The following CSPG4 variants were observed in gnomAD, a reference collection of about 807,000 sequenced individuals.
CSPG4 encodes the protein chondroitin sulfate proteoglycan 4.
In CSPG4, 74 loss-of-function variants were observed where a neutral mutation model predicts 139.3. The ratio of observed to expected loss-of-function variants is 0.53; its 90% confidence interval spans 0.44 to 0.64. The LOEUF is 0.64. Ranked by LOEUF, CSPG4 falls within the 30% of genes least tolerant of loss-of-function variation. CSPG4 has a pLI of 0.00. For missense variants in CSPG4, 2,565 were observed against 3,148.3 expected, an observed-to-expected ratio of 0.81 and a Z score of 4.43; for synonymous variants, 1,234 against 1,394.2, an observed-to-expected ratio of 0.89 and a Z score of 2.56.
Position 75,698,051 on chromosome 15 carries a change from C to T in CSPG4, c.89-4818G>A, listed in dbSNP as rs1199038603. Among the ~76,000 whole-genome samples the T allele has an allele frequency of 6.6e-6, 1 of 152,142 alleles. No individual in the cohort carries two copies. Among genetic ancestry groups the T allele is most frequent in the Non-Finnish European group, 1.5e-5 (1 of 68,026 alleles). ...GAAAACTCGAGGGAGACAGAGAAGG[C>T]GGGATGTTGGCAGCAAGCCTGCTGC... is the stretch of plus-strand genomic sequence containing the variant. On this transcript the variant is annotated intron_variant, in intron 1 of 9. Transcript: ENST00000308508. This position sits in a 1 kb window ranked among gnomAD's most constrained non-coding sequence, Gnocchi z 4.3.
chr15:75,685,163 C>T (rs1259539167), intron 4 of CSPG4, 56 bp downstream of exon 4: 8 of 1,508,072 alleles, frequency 5.3e-6, no homozygotes, highest in Middle Eastern at 2.5e-4. Flanking sequence ...CCAGGGCTCC[C>T]TCCACTCTGC....
At chr15:75,691,397 A>G (rs1894164196) in intron 2 of CSPG4, among the ~76,000 whole-genome samples, 1 of 152,228 alleles carries the variant, frequency 6.6e-6, no homozygotes, top group African/African-American at 2.4e-5. Context: ...ACTGACATAC[A>G]GCAAGATGCT....
In CSPG4 at chr15:75,685,253, T is replaced by A; in HGVS notation, c.4238A>T (p.Gln1413Leu). Residue 1413 changes from glutamine to leucine, a missense_variant, in exon 4 of 10, where the codon CAA (glutamine) becomes CTA (leucine). Gln to Leu is a moderately radical substitution (Grantham distance 113). This residue lies in a region of CSPG4 where 2,316 missense variants were observed against 2,818.2 expected (regional missense o/e 0.82). Transcript: ENST00000308508. ...HGALQKEDGP[Q>L]ARTLSAFSWR... ...GGAGAAGGCGCTGAGGGTCCTGGCT[T>A]GAGGTCCGTCCTCCTTCTGCAGGGC... 2 of 1,535,324 alleles carry A rather than the reference T, an allele frequency of 1.3e-6. No homozygotes were observed. The highest frequency in any genetic ancestry group is 1.8e-6 in the Non-Finnish European group (2 of 1,140,920).
chr15:75,678,007 G>T, intron 8 of CSPG4, 121 bp from the exon 9 acceptor site: 1 of 831,078 alleles, frequency 1.2e-6, no homozygotes. Flanking sequence ...GTCTGTGCGT[G>T]TGACCCGCTG....
intron 1 of CSPG4, among the ~76,000 whole-genome samples, chr15:75,709,376 G>A (rs1026058609): frequency 3.0e-4 from 45 of 152,134 alleles, no homozygotes; most frequent in African/African-American, 9.9e-4. Context: ...CAGTGAAGGA[G>A]CAGAGGGACC....
At chr15:75,678,399 C>A (rs1030940281) in intron 8 of CSPG4, 2 of 286,370 alleles carry the variant, frequency 7.0e-6, no homozygotes, top group Non-Finnish European at 1.4e-5. Context: ...GTTGCCCAGA[C>A]TGGACTGCAG....
At position 75,679,119 on chromosome 15, in the gene CSPG4, C is replaced by T. The variant is rs746241602; in HGVS notation, c.4951-1233G>A. The stretch of plus-strand genomic sequence containing the variant: ...GCTGAGACCCCCTTATTTGTAGCTC[C>T]AGCCTAGCCTGCTCTCCCCTGAACC... On this transcript the variant is annotated intron_variant, in intron 8 of 9. Coordinates refer to ENST00000308508, the MANE Select transcript of CSPG4 (RefSeq NM_001897.5). 37 of 215,456 alleles carry T rather than the reference C, an allele frequency of 1.7e-4. 1 individual carries two copies. Among genetic ancestry groups the T allele is most frequent in the Middle Eastern group, 3.4e-3 (2 of 586 alleles). 13.3% of individuals were successfully genotyped at this position (215,456 alleles called of 1,614,324 possible). A position where few individuals can be genotyped will look rare whatever the true frequency, so the allele number is the denominator to read the frequency against.
At chr15:75,697,213 C>T (rs548283945) in intron 1 of CSPG4, among the ~76,000 whole-genome samples, 2 of 152,334 alleles carry the variant, frequency 1.3e-5, no homozygotes, top group South Asian at 4.1e-4. Flanking sequence ...CCTTCGCCTC[C>T]GGCCATCCCT....
Position 75,682,930 on chromosome 15 carries a change from C to T in CSPG4, c.4561G>A (p.Val1521Ile), listed in dbSNP as rs747052869. The T allele has an allele frequency of 2.5e-6, 4 of 1,611,218 alleles. No homozygotes were observed. In the Admixed American group the frequency reaches 5.0e-5, roughly 20 times the overall value. ...GTGCCCGGCGCCCCCCGCAGCACTA[C>T]CCGCCCGTTGCTGGGCTGCTCGATG... ...YTIEQPSNGR[V>I]VLRGAPGTEV... is the part of the protein sequence containing the mutation. Residue 1521 changes from valine to isoleucine, a missense_variant, in exon 6 of 10, where the codon GTA (valine) becomes ATA (isoleucine). Val to Ile is a conservative substitution (Grantham distance 29). Transcript: ENST00000308508.
Position 75,706,463 on chromosome 15 carries a change from G to A in CSPG4, c.88+6205C>T, listed in dbSNP as rs138838857. 3.0e-3 allele frequency among the ~76,000 whole-genome samples: 454 copies of A among 152,270 alleles called. 4 individuals are homozygous for A. Among genetic ancestry groups the A allele is most frequent in the African/African-American group, 0.01 (433 of 41,556 alleles). On this transcript the variant is annotated intron_variant, in intron 1 of 9. Coordinates refer to ENST00000308508, the MANE Select transcript of CSPG4 (RefSeq NM_001897.5). The stretch of plus-strand genomic sequence containing the variant: ...TGTGAGTGTGTGTGTGCACACACAC[G>A]CATGTGCACTTACTGGGTGTCAGGC...
intron 1 of CSPG4, 123 bp from the exon 2 acceptor site, chr15:75,693,356 T>G (rs776606841): frequency 1.5e-4 from 142 of 955,536 alleles, no homozygotes; most frequent in African/African-American, 1.4e-3. Flanking sequence ...ATGGTTCTGC[T>G]GTATGGTGCT....
At position 75,677,863 on chromosome 15, in the gene CSPG4, A is replaced by T; in HGVS notation, c.4974T>A (p.Tyr1658Ter). The change falls in exon 9 of 10, where the codon TAT becomes TAA. Residue 1658 changes from tyrosine (Y) to a stop codon, truncating the protein, a stop_gained. Transcript: ENST00000308508. LOFTEE classifies it high-confidence loss of function. The part of the protein sequence containing the change: ...QAEVYAGNIL[Y>*]EHEMPPEPFW... ...AGGGCTCGGGGGGCATCTCATGCTC[A>T]TACAGAATATTCCCAGCGTAGACCT... The T allele has an allele frequency of 6.2e-7, 1 of 1,612,060 alleles. No homozygotes were observed. Among genetic ancestry groups the T allele is most frequent in the Non-Finnish European group, 8.5e-7 (1 of 1,179,094 alleles).
At chr15:75,685,777 A>T in intron 3 of CSPG4, 76 bp from the exon 4 acceptor site, 1 of 1,462,168 alleles carries the variant, frequency 6.8e-7, no homozygotes, top group South Asian at 1.4e-5. Context: ...GGCCCTAAGA[A>T]GCCGGAACAG....
chr15:75,710,680 C>T (rs573420221), intron 1 of CSPG4, among the ~76,000 whole-genome samples: 130 of 152,268 alleles, frequency 8.5e-4, no homozygotes, highest in Non-Finnish European at 1.6e-3. Flanking sequence ...CATTCGGATA[C>T]GGGAGGACGA....
intron 1 of CSPG4, among the ~76,000 whole-genome samples, chr15:75,707,301 T>C (rs1894386952): frequency 6.6e-6 from 1 of 152,144 alleles, no homozygotes; most frequent in African/African-American, 2.4e-5. Flanking sequence ...GGCACAAAAT[T>C]TCTTTAAAAA....
At chr15:75,679,208 C>T (rs1029081209) in intron 8 of CSPG4, 4 of 164,218 alleles carry the variant, frequency 2.4e-5, no homozygotes, top group Admixed American at 6.3e-5. Flanking sequence ...CAACCTGCCC[C>T]GGCTGCACTC....
intron 3 of CSPG4, among the ~76,000 whole-genome samples, chr15:75,686,544 GT>G (rs1291540829): frequency 6.6e-6 from 1 of 151,752 alleles, no homozygotes; most frequent in African/African-American, 2.4e-5. Flanking sequence ...TGCCCGGAAT[GT>G]TCCTTCTGCC....
At position 75,696,312 on chromosome 15, in the gene CSPG4, A is replaced by T. The variant is rs1309989200; in HGVS notation, c.89-3079T>A. On this transcript the variant is annotated intron_variant, in intron 1 of 9. Coordinates refer to ENST00000308508, the MANE Select transcript of CSPG4 (RefSeq NM_001897.5). The surrounding 1 kb of genome is among the most constrained non-coding windows in gnomAD (Gnocchi z 4.2). ...GGAGGTGCCAAGCCTTGGGCATGAGAGGAGCAGGATGCCCCACAGGTCTGG... is the reference window on the plus strand; with the variant it reads ...GGAGGTGCCAAGCCTTGGGCATGAGTGGAGCAGGATGCCCCACAGGTCTGG... Among the ~76,000 whole-genome samples the T allele has an allele frequency of 6.6e-6, 1 of 152,068 alleles. No individual in the cohort carries two copies. The highest frequency in any genetic ancestry group is 1.5e-5 in the Non-Finnish European group (1 of 68,000).
intron 1 of CSPG4, 118 bp downstream of exon 1, chr15:75,712,550 G>C: frequency 1.0e-6 from 1 of 981,650 alleles, no homozygotes. Flanking sequence ...TGGGAGAAGC[G>C]CAGCCTGCTT....
Sources: gnomAD v4.1 joint callset for allele counts (sites outside exome capture counted in the v4.1 genomes callset) on GRCh38, gnomAD v4.1.1 for gene constraint, gnomAD v4.1.1 regional missense constraint, Gnocchi (gnomAD v3.1) non-coding constraint, MANE v1.5 for transcripts, NCBI Gene and HGNC (gene_info 2026-07-23, HGNC 2026-07-21) for gene names.